MCC: variants seen among roughly 807,000 people sequenced by gnomAD.
MCC encodes MCC regulator of Wnt signaling pathway, also known as colorectal mutant cancer protein.
A neutral mutation model predicts 116.2 loss-of-function variants in MCC; 90 were observed. That is an observed-to-expected ratio of 0.77 (90% confidence interval 0.65 to 0.92). MCC has a LOEUF of 0.92. Ranked by LOEUF, MCC falls within the 40% of genes least tolerant of loss-of-function variation. MCC has a pLI of 0.00. For missense variants in MCC, 1,516 were observed against 1,312.2 expected (o/e 1.16, Z -2.40); for synonymous variants, 578 against 510.5 (o/e 1.13, Z -1.78).
At chr5:113,216,100 G>T (rs1214754641) in intron 3 of MCC, among the ~76,000 whole-genome samples, 1 of 152,150 alleles carries the variant, frequency 6.6e-6, no homozygotes, top group East Asian at 1.9e-4. Context: ...TGGAACATAG[G>T]TATGCCCCCT....
At chr5:113,221,274 C>T (rs1327279257) in intron 3 of MCC, among the ~76,000 whole-genome samples, 1 of 152,200 alleles carries the variant, frequency 6.6e-6, no homozygotes, top group Non-Finnish European at 1.5e-5. Context: ...GGTGAAACCA[C>T]GTTTGCAAAA....
intron 2 of MCC, among the ~76,000 whole-genome samples, chr5:113,349,141 A>T (rs916399959): frequency 2.0e-5 from 3 of 151,958 alleles, no homozygotes; most frequent in African/African-American, 7.2e-5. Flanking sequence ...ACTAATGCCA[A>T]TCCTACCCAA....
At chr5:113,461,624 T>A (rs1771745542) in intron 1 of MCC, among the ~76,000 whole-genome samples, 1 of 151,908 alleles carries the variant, frequency 6.6e-6, no homozygotes, top group Non-Finnish European at 1.5e-5. Flanking sequence ...TGAGTTATGA[T>A]CATGCCACTG....
chr5:113,135,320 C>T lies in MCC; in HGVS notation c.884+7898G>A, dbSNP rs376619922. Among the ~76,000 whole-genome samples, 21 of 148,484 alleles carry T rather than the reference C, an allele frequency of 1.4e-4. 2 individuals are homozygous for T. Among genetic ancestry groups the T allele is most frequent in the Admixed American group, 2.7e-4 (4 of 15,020 alleles). On this transcript the variant is annotated intron_variant, in intron 5 of 18. Coordinates refer to ENST00000408903, the MANE Select transcript of MCC (RefSeq NM_001085377.2). ...CTGTAATCCCAGCACTTTGGGAGGCCGAGGCGGGTGGATCACAAGGTCAGG... is the reference window on the plus strand; with the variant it reads ...CTGTAATCCCAGCACTTTGGGAGGCTGAGGCGGGTGGATCACAAGGTCAGG...
rs1561727441 is a variant in MCC, at chr5:113,027,291, G to GT, written c.*10dup. ...CTTCCCATGGGCAGAACTCCGGTGCGTGAGTGCTGATTAAAGCGAAGTTTC... is the reference window on the plus strand; with the variant it reads ...CTTCCCATGGGCAGAACTCCGGTGCGTTGAGTGCTGATTAAAGCGAAGTTTC... On this transcript the variant is annotated 3_prime_UTR_variant, in exon 19 of 19. Coordinates refer to ENST00000408903, the MANE Select transcript of MCC (RefSeq NM_001085377.2). 15 of 1,613,724 alleles carry GT rather than the reference G, an allele frequency of 9.3e-6. No individual in the cohort carries two copies. The highest frequency in any genetic ancestry group is 3.3e-4 in the Middle Eastern group (2 of 6,054).
At chr5:113,278,410 AC>A (rs1204653044) in intron 3 of MCC, among the ~76,000 whole-genome samples, 1 of 152,216 alleles carries the variant, frequency 6.6e-6, no homozygotes, top group African/African-American at 2.4e-5. Context: ...GGTACGAAAT[AC>A]CAAGTCCTCA....
intron 3 of MCC, among the ~76,000 whole-genome samples, chr5:113,173,931 C>T (rs2150305111): frequency 6.6e-6 from 1 of 152,278 alleles, no homozygotes; most frequent in Non-Finnish European, 1.5e-5. Flanking sequence ...ACAGCATAAC[C>T]AATTCCAAAG....
chr5:113,072,506 AG>A (rs1390384554), intron 11 of MCC, among the ~76,000 whole-genome samples: 1 of 152,178 alleles, frequency 6.6e-6, no homozygotes, highest in Non-Finnish European at 1.5e-5. Context: ...CATGTAGCCA[AG>A]CCCATCTCAG....
At chr5:113,250,059 C>T (rs1764735871) in intron 3 of MCC, among the ~76,000 whole-genome samples, 1 of 152,184 alleles carries the variant, frequency 6.6e-6, no homozygotes, top group African/African-American at 2.4e-5. Context: ...CCTTGGCATG[C>T]TGAAACCCAA....
At chr5:113,291,385 C>T (rs1766489376) in intron 3 of MCC, among the ~76,000 whole-genome samples, 1 of 152,206 alleles carries the variant, frequency 6.6e-6, no homozygotes, top group East Asian at 1.9e-4. Flanking sequence ...ATTAAACTCA[C>T]TCTCTAGTTC....
At chr5:113,126,671 A>G (rs978136222) in intron 5 of MCC, among the ~76,000 whole-genome samples, 1 of 152,228 alleles carries the variant, frequency 6.6e-6, no homozygotes, top group Non-Finnish European at 1.5e-5. Context: ...TTTGCTTTTG[A>G]AAGTAATGGA....
chr5:113,392,974 T>C (rs887596914), intron 1 of MCC, among the ~76,000 whole-genome samples: 1 of 152,030 alleles, frequency 6.6e-6, no homozygotes, highest in Non-Finnish European at 1.5e-5. Context: ...AAAACAGTAG[T>C]GAGTAAAGAC....
At position 113,434,221 on chromosome 5, in the gene MCC, A is replaced by G; in HGVS notation, c.171-49009T>C. The G allele has an allele frequency of 6.2e-7, 1 of 1,614,112 alleles. No homozygotes were observed. Among genetic ancestry groups the G allele is most frequent in the Non-Finnish European group, 8.5e-7 (1 of 1,179,988 alleles). ...GGCATGGAGCCGCAGACCATGATGT[A>G]GAGGATCACGCCTAGGCTCCAGATG... is the stretch of plus-strand genomic sequence containing the variant. On this transcript the variant is annotated intron_variant, in intron 1 of 18. Coordinates refer to ENST00000408903, the MANE Select transcript of MCC (RefSeq NM_001085377.2). The surrounding 1 kb of genome is among the most constrained non-coding windows in gnomAD (Gnocchi z 4.2).
At chr5:113,286,974 A>C (rs537606734) in intron 3 of MCC, among the ~76,000 whole-genome samples, 1 of 152,340 alleles carries the variant, frequency 6.6e-6, no homozygotes, top group East Asian at 1.9e-4. Context: ...TATTTACTCT[A>C]TAAATTGAAC....
At chr5:113,205,307 T>G (rs1376945013) in intron 3 of MCC, among the ~76,000 whole-genome samples, 2 of 152,236 alleles carry the variant, frequency 1.3e-5, no homozygotes, top group African/African-American at 4.8e-5. Context: ...GCTTCACTTT[T>G]GAGCCTTAAT....
At chr5:113,470,281 C>T (rs559114479) in intron 1 of MCC, among the ~76,000 whole-genome samples, 3 of 151,834 alleles carry the variant, frequency 2.0e-5, no homozygotes, top group Admixed American at 6.6e-5. Flanking sequence ...TAGCCTTGAT[C>T]GTCTTTACAA....
At chr5:113,084,340 C>T in intron 9 of MCC, 150 bp from the exon 10 acceptor site, 1 of 633,876 alleles carries the variant, frequency 1.6e-6, no homozygotes, top group Non-Finnish European at 2.8e-6. Flanking sequence ...TTTCTACCAC[C>T]AGCTTAAGCC....
At chr5:113,039,712 C>CCCCCCCCCCCA (rs1751561863) in intron 17 of MCC, among the ~76,000 whole-genome samples, 1 of 131,322 alleles carries the variant, frequency 7.6e-6, no homozygotes, top group Admixed American at 7.7e-5. Flanking sequence ...CCACTCCGCG[C>CCCCCCCCCCCA]CCCCCCCCCC....
intron 1 of MCC, among the ~76,000 whole-genome samples, chr5:113,431,973 T>C (rs1384375825): frequency 6.6e-6 from 1 of 152,048 alleles, no homozygotes; most frequent in Admixed American, 6.5e-5. Flanking sequence ...ACGTCTCTAC[T>C]AAAAATACAA....
Sources: allele counts gnomAD v4.1 joint callset (sites outside exome capture counted in the v4.1 genomes callset), GRCh38; gene constraint gnomAD v4.1.1; non-coding constraint Gnocchi (gnomAD v3.1); transcripts MANE v1.5; gene names NCBI Gene and HGNC (gene_info 2026-07-23, HGNC 2026-07-21).